Variants in MYO15A observed in about 807,000 individuals in gnomAD.
The protein encoded by MYO15A is myosin XVA.
In MYO15A, 308 loss-of-function variants were observed where a neutral mutation model predicts 394.6. That is an observed-to-expected ratio of 0.78 (90% CI 0.71 to 0.86). The LOEUF (loss-of-function observed/expected upper bound fraction) is 0.86, where lower values mean the gene tolerates loss of function less well. MYO15A is among the 40% of genes least tolerant of loss of function. The pLI is 0.00. For missense variants in MYO15A, 4,606 were observed against 4,799.1 expected (o/e 0.96, Z 1.19); for synonymous variants, 1,957 against 2,003.8 (o/e 0.98, Z 0.62).
chr17:18,158,826 G>A, intron 52 of MYO15A, 99 bp from the exon 53 acceptor site: 1 of 1,462,752 alleles, frequency 6.8e-7, no homozygotes. Flanking sequence ...GATCAGTGGT[G>A]GGTCAAGAAC....
intron 12 of MYO15A, among the ~76,000 whole-genome samples, chr17:18,134,623 C>T (rs2142311665): frequency 6.6e-6 from 1 of 152,264 alleles, no homozygotes; most frequent in African/African-American, 2.4e-5. Context: ...TGGCTCATGC[C>T]TGTAATCCCA....
intron 29 of MYO15A, among the ~76,000 whole-genome samples, chr17:18,145,311 G>A (rs1290608895): frequency 5.3e-5 from 8 of 151,964 alleles, no homozygotes; most frequent in Non-Finnish European, 1.0e-4. Context: ...AGGGGGCTAG[G>A]GCTGCATGGG....
chr17:18,157,097 A>G (rs768018879), intron 49 of MYO15A, 32 bp downstream of exon 49: 1 of 1,612,924 alleles, frequency 6.2e-7, no homozygotes, highest in South Asian at 1.1e-5. Flanking sequence ...TGGGGGCAGG[A>G]GGGGGAGGCT....
chr17:18,132,657 T>A lies in MYO15A; in HGVS notation c.4320+91T>A. The stretch of plus-strand genomic sequence containing the variant: ...GCCTTGGGAGCCGAGTTGTGAGTGA[T>A]GGAGTGTGAAGGTGAAGGAGATTTG... On this transcript the variant is annotated intron_variant, in intron 11 of 65. Transcript: ENST00000647165. The surrounding 1 kb of genome is among the most constrained non-coding windows in gnomAD (Gnocchi z 4.6). The A allele has an allele frequency of 9.6e-7, 1 of 1,042,812 alleles. No individual in the cohort carries two copies. Among genetic ancestry groups the A allele is most frequent in the Non-Finnish European group, 1.5e-6 (1 of 680,906 alleles). The allele number at this position is 1,042,812 out of a possible 1,614,324, so 64.6% of individuals were successfully genotyped here. A position where few individuals can be genotyped will look rare whatever the true frequency, so the allele number is the denominator to read the frequency against.
At chr17:18,137,363 C>T (rs2046298462) in intron 15 of MYO15A, among the ~76,000 whole-genome samples, 1 of 152,204 alleles carries the variant, frequency 6.6e-6, no homozygotes, top group African/African-American at 2.4e-5. Context: ...GCATTTGAAC[C>T]CAGGCAGAAG....
chr17:18,112,698 G>A (rs2045736284), intron 1 of MYO15A, among the ~76,000 whole-genome samples: 1 of 151,738 alleles, frequency 6.6e-6, no homozygotes, highest in Non-Finnish European at 1.5e-5. Context: ...GTGAGCCAGC[G>A]CACCTAGCCC....
Position 18,124,539 on chromosome 17 carries a change from T to C in MYO15A, c.3666T>C (p.Asp1222=), listed in dbSNP as rs113608031. ...GGTTCCGTGAGCAGCACGGGGAGGA[T>C]GGTGTGGAGGACATGACACAGCTGG... ...SMRFREQHGE[D]GVEDMTQLED... is the part of the protein sequence containing the mutation. Residue 1222 remains aspartate, a synonymous_variant, in exon 3 of 66, where the codon GAT becomes GAC. Transcript: ENST00000647165. 14 of 1,613,072 alleles carry C rather than the reference T, an allele frequency of 8.7e-6. No homozygotes were observed. In the African/African-American group the frequency reaches 1.3e-4, roughly 15 times the overall value.
At chr17:18,167,866 C>A in intron 62 of MYO15A, 143 bp downstream of exon 62, 1 of 1,357,780 alleles carries the variant, frequency 7.4e-7, no homozygotes, top group East Asian at 2.5e-5. Flanking sequence ...AAGGGGCTGT[C>A]CTTGCCTGGG....
Position 18,143,463 on chromosome 17 carries a change from C to CT in MYO15A, c.5911-101dup, listed in dbSNP as rs1597795274. The stretch of plus-strand genomic sequence containing the variant: ...TCCACACAACAGGCAAGCTGCCCCC[C>CT]TTGCTTGAGTGTGGCCGCCTTGCGT... On this transcript the variant is annotated intron_variant, in intron 25 of 65. Coordinates refer to ENST00000647165, the MANE Select transcript of MYO15A (RefSeq NM_016239.4). The CT allele has an allele frequency of 4.4e-6, 6 of 1,353,480 alleles. No individual in the cohort carries two copies. The East Asian group carries it at 1.5e-4, about 34-fold the overall frequency. The allele number at this position is 1,353,480 out of a possible 1,614,324, so 83.8% of individuals were successfully genotyped here.
chr17:18,122,543 G>A (rs1057362352), intron 2 of MYO15A, 134 bp downstream of exon 2: 24 of 1,367,340 alleles, frequency 1.8e-5, no homozygotes, highest in East Asian at 2.5e-5. Flanking sequence ...GGGTCTGTAA[G>A]TTGGGGAGAA....
chr17:18,172,477 G>T, intron 64 of MYO15A, 187 bp downstream of exon 64: 1 of 916,748 alleles, frequency 1.1e-6, no homozygotes. Context: ...GATAAGAGTT[G>T]AGCCCCACCC....
intron 64 of MYO15A, chr17:18,172,601 CAGAAG>C (rs1453449128): frequency 1.7e-5 from 7 of 422,454 alleles, no homozygotes; most frequent in Non-Finnish European, 3.1e-5. Context: ...ACTTAAACAA[CAGAAG>C]TTTATTTCTC....
intron 8 of MYO15A, among the ~76,000 whole-genome samples, 170 bp from the exon 9 acceptor site, chr17:18,131,069 G>C (rs1247919155): frequency 6.6e-6 from 1 of 151,854 alleles, no homozygotes; most frequent in Non-Finnish European, 1.5e-5. Flanking sequence ...GAAACACTGG[G>C]GGGCACTGGA....
Position 18,171,746 on chromosome 17 carries a change from C to A in MYO15A, c.10191C>A (p.Pro3397=). Residue 3397 remains proline, a synonymous_variant, in exon 63 of 66, where the codon CCC becomes CCA. Coordinates refer to ENST00000647165, the MANE Select transcript of MYO15A (RefSeq NM_016239.4). The part of the protein sequence containing the change: ...QHRQQTQALS[P]HQARAQFLGL... ...GGCAGCAGACACAGGCGCTCAGCCC[C>A]CACCAGGCCCGTGCCCAGTTTCTGG... The A allele has an allele frequency of 6.2e-7, 1 of 1,611,450 alleles. No homozygotes were observed. Among genetic ancestry groups the A allele is most frequent in the Non-Finnish European group, 8.5e-7 (1 of 1,179,918 alleles).
chr17:18,121,028 C>A lies in MYO15A; in HGVS notation c.2228C>A (p.Pro743His). 6.6e-7 allele frequency: 1 copy of A among 1,509,384 alleles called. No individual in the cohort carries two copies. Among genetic ancestry groups the A allele is most frequent in the South Asian group, 1.2e-5 (1 of 81,384 alleles). 93.5% of individuals were successfully genotyped at this position (1,509,384 alleles called of 1,614,324 possible). Residue 743 changes from proline to histidine, a missense_variant, in exon 2 of 66, where the codon CCC becomes CAC. Pro to His is a moderately conservative substitution (Grantham distance 77). Transcript: ENST00000647165. This position sits in a 1 kb window ranked among gnomAD's most constrained non-coding sequence, Gnocchi z 5.3. ...CTACTAGCCTTCCCAGGGCCCCGACCCTCGTTCAGGGGCTCCCGCCGGAGA... is the reference window on the plus strand; with the variant it reads ...CTACTAGCCTTCCCAGGGCCCCGACACTCGTTCAGGGGCTCCCGCCGGAGA... ...PDLLAFPGPR[P>H]SFRGSRRRGA...
chr17:18,137,643 G>A lies in MYO15A; in HGVS notation c.4839G>A (p.Gln1613=). Reference sequence around the variant, plus strand: ...TTAACTACGCAAACGAGAACCTTCAGTACCTTTTCAACAAGATCGTCTTCC... The same window carrying A: ...TTAACTACGCAAACGAGAACCTTCAATACCTTTTCAACAAGATCGTCTTCC... ...LCINYANENL[Q]YLFNKIVFQE... Residue 1613 remains glutamine, a synonymous_variant, in exon 16 of 66, where the codon CAG becomes CAA. Transcript: ENST00000647165. The A allele has an allele frequency of 6.2e-7, 1 of 1,614,222 alleles. No individual in the cohort carries two copies. The highest frequency in any genetic ancestry group is 1.1e-5 in the South Asian group (1 of 91,086).
At chr17:18,154,505 A>G (rs114496825) in intron 44 of MYO15A, among the ~76,000 whole-genome samples, 175 bp from the exon 45 acceptor site, 329 of 152,250 alleles carry the variant, frequency 2.2e-3, no homozygotes, top group African/African-American at 7.7e-3. Context: ...GGCTGAGGAG[A>G]AAGGAGAGGG....
chr17:18,120,430 C>G lies in MYO15A; in HGVS notation c.1630C>G (p.Arg544Gly). The G allele has an allele frequency of 6.3e-7, 1 of 1,592,148 alleles. No individual in the cohort carries two copies. Among genetic ancestry groups the G allele is most frequent in the Non-Finnish European group, 8.5e-7 (1 of 1,171,354 alleles). The change falls in exon 2 of 66, where the codon CGC (arginine) becomes GGC (glycine). Residue 544 changes from arginine to glycine, a missense_variant. Physicochemically the swap from Arg to Gly is moderately radical, Grantham distance 125 (BLOSUM62 -2). Transcript: ENST00000647165. ...FLTPRQRNLQ[R>G]ALSAFGAHRG... Reference sequence around the variant, plus strand: ...CACGCCGCGCCAGCGCAACCTCCAGCGCGCGCTGTCGGCCTTCGGCGCCCA... The same window carrying G: ...CACGCCGCGCCAGCGCAACCTCCAGGGCGCGCTGTCGGCCTTCGGCGCCCA...
chr17:18,159,019 T>C (rs1330361307), intron 53 of MYO15A, 22 bp downstream of exon 53: 2 of 1,611,906 alleles, frequency 1.2e-6, no homozygotes, highest in South Asian at 1.1e-5. Context: ...CGGACCTCAG[T>C]TTCCCCATCT....
Sources: allele counts gnomAD v4.1 joint callset (sites outside exome capture counted in the v4.1 genomes callset), GRCh38; gene constraint gnomAD v4.1.1; non-coding constraint Gnocchi (gnomAD v3.1); transcripts MANE v1.5; gene names NCBI Gene and HGNC (gene_info 2026-07-23, HGNC 2026-07-21).